Variants in ATXN7 observed in about 807,000 individuals in gnomAD.
ATXN7 encodes the protein ataxin-7.
Under a neutral mutation model 70.5 loss-of-function variants are expected in ATXN7, and 12 were observed. The observed-to-expected ratio is 0.17, with a 90% CI of 0.11 to 0.28. ATXN7 has a LOEUF of 0.28. ATXN7 is among the 10% of genes least tolerant of loss of function. The pLI is 1.00. For synonymous variants in ATXN7, 498 were observed against 448.7 expected (o/e 1.11, Z -1.39); for missense variants, 1,256 against 1,131.7 (o/e 1.11, Z -1.58).
At chr3:63,989,565 T>G (rs1487208082) in intron 9 of ATXN7, among the ~76,000 whole-genome samples, 1 of 152,198 alleles carries the variant, frequency 6.6e-6, no homozygotes, top group Admixed American at 6.5e-5. Flanking sequence ...TATAGGCTTT[T>G]TTTTTTTCTT....
At chr3:63,915,178 A>C (rs1226944265) in intron 4 of ATXN7, among the ~76,000 whole-genome samples, 1 of 152,078 alleles carries the variant, frequency 6.6e-6, no homozygotes, top group African/African-American at 2.4e-5. Flanking sequence ...CTCGTGACCC[A>C]CCTGCCTCGG....
intron 1 of ATXN7, among the ~76,000 whole-genome samples, chr3:63,871,489 G>T (rs1702589735): frequency 1.3e-5 from 2 of 152,160 alleles, no homozygotes; most frequent in Admixed American, 6.5e-5. Context: ...TAAAGAAACA[G>T]TTGGTGAAGT....
intron 1 of ATXN7, among the ~76,000 whole-genome samples, chr3:63,880,868 G>C (rs1398723907): frequency 6.6e-6 from 1 of 152,202 alleles, no homozygotes; most frequent in Non-Finnish European, 1.5e-5. Flanking sequence ...AACACCATGA[G>C]AACAGCGTTC....
chr3:63,872,208 G>A (rs1030662990), intron 1 of ATXN7, among the ~76,000 whole-genome samples: 6 of 152,170 alleles, frequency 3.9e-5, no homozygotes, highest in Admixed American at 3.9e-4. Context: ...ACTTTAGGAC[G>A]TGAATACACT....
chr3:63,931,582 C>T (rs1446793154), intron 4 of ATXN7, among the ~76,000 whole-genome samples: 1 of 152,116 alleles, frequency 6.6e-6, no homozygotes, highest in Non-Finnish European at 1.5e-5. Context: ...GTTCTCTTTT[C>T]CTTATGGCCT....
intron 11 of ATXN7, among the ~76,000 whole-genome samples, chr3:63,993,267 GTTGGTGTATTT>G (rs914695221): frequency 1.5e-5 from 2 of 137,038 alleles, no homozygotes; most frequent in African/African-American, 5.6e-5. Flanking sequence ...AAAGATTTTT[GTTGGTGTATTT>G]TTTTTTTTTT....
At chr3:63,990,493 G>C in intron 10 of ATXN7, 119 bp downstream of exon 10, 1 of 1,351,454 alleles carries the variant, frequency 7.4e-7, no homozygotes. Context: ...CAAGGTGTGA[G>C]AGAAGTTCAA....
chr3:63,978,518 T>C (rs1223424696), intron 5 of ATXN7, among the ~76,000 whole-genome samples: 1 of 152,196 alleles, frequency 6.6e-6, no homozygotes, highest in Non-Finnish European at 1.5e-5. Flanking sequence ...AAAACTAAAT[T>C]TAAAAACATC....
At chr3:63,888,501 G>A (rs993259737) in intron 1 of ATXN7, among the ~76,000 whole-genome samples, 5 of 152,078 alleles carry the variant, frequency 3.3e-5, no homozygotes, top group Admixed American at 6.6e-5. Context: ...GATCTTGGTC[G>A]GGCGCAGTGG....
chr3:63,996,435 C>T lies in ATXN7; in HGVS notation c.2613C>T (p.Gly871=). The T allele has an allele frequency of 6.2e-7, 1 of 1,614,158 alleles. No individual in the cohort carries two copies. The highest frequency in any genetic ancestry group is 8.5e-7 in the Non-Finnish European group (1 of 1,180,034). The change falls in exon 12 of 13, where the codon GGC becomes GGT. Residue 871 remains glycine (G), a synonymous_variant. Coordinates refer to ENST00000674280, the MANE Select transcript of ATXN7 (RefSeq NM_001377405.1). The part of the protein sequence containing the change: ...AVNNVHMKHT[G]TIPGAQGLMN... The stretch of plus-strand genomic sequence containing the variant: ...ACAATGTCCACATGAAACACACAGG[C>T]ACCATCCCAGGGGCACAAGGACTGA...
intron 5 of ATXN7, among the ~76,000 whole-genome samples, chr3:63,965,403 C>G (rs945435158): frequency 6.6e-6 from 1 of 152,146 alleles, no homozygotes; most frequent in African/African-American, 2.4e-5. Context: ...GAGTGTTCCT[C>G]CTAGCCTCCT....
intron 8 of ATXN7, among the ~76,000 whole-genome samples, chr3:63,986,990 C>T (rs935631910): frequency 1.3e-5 from 2 of 152,148 alleles, no homozygotes; most frequent in East Asian, 1.9e-4. Flanking sequence ...CTCATGTAAA[C>T]TCATCCACTC....
intron 4 of ATXN7, among the ~76,000 whole-genome samples, chr3:63,948,264 T>C (rs1417496953): frequency 6.6e-6 from 1 of 152,044 alleles, no homozygotes; most frequent in Non-Finnish European, 1.5e-5. Context: ...GAGTTGGAGG[T>C]GACACCTGGG....
rs368541058 is a variant in ATXN7 at position 63,999,433 on chromosome 3, C to A, written c.2662-17C>A. ...ACTTACCATTTCATTATTTCCCCAC[C>A]CCCTCTTTTTTGAAAGCCAAAGGCA... On this transcript the variant is annotated splice_polypyrimidine_tract_variant and intron_variant, in intron 12 of 12. Coordinates refer to ENST00000674280, the MANE Select transcript of ATXN7 (RefSeq NM_001377405.1). 8.1e-6 allele frequency: 13 copies of A among 1,598,346 alleles called. No individual in the cohort carries two copies. The African/African-American group carries it at 1.6e-4, about 20-fold the overall frequency.
chr3:63,948,368 T>C (rs2074898881), intron 4 of ATXN7, among the ~76,000 whole-genome samples: 1 of 151,950 alleles, frequency 6.6e-6, no homozygotes, highest in South Asian at 2.1e-4. Flanking sequence ...AAGAGTGAAG[T>C]TTTGGACATG....
intron 4 of ATXN7, among the ~76,000 whole-genome samples, chr3:63,945,820 A>G (rs1161831243): frequency 2.6e-5 from 4 of 152,186 alleles, no homozygotes; most frequent in Non-Finnish European, 4.4e-5. Flanking sequence ...TGAAGCTAAG[A>G]CCGAATGAAG....
At chr3:63,913,067 C>G (rs1704119857) in intron 3 of ATXN7, 90 bp from the exon 4 acceptor site, 1 of 1,496,866 alleles carries the variant, frequency 6.7e-7, no homozygotes, top group African/African-American at 1.4e-5. Flanking sequence ...GCGGAGGTGC[C>G]CACACCTACC....
chr3:63,990,785 T>C lies in ATXN7; in HGVS notation c.1608T>C (p.Phe536=), dbSNP rs1313424976. The change falls in exon 11 of 13, where the codon TTT becomes TTC. Residue 536 remains phenylalanine (F), a synonymous_variant. Coordinates refer to ENST00000674280, the MANE Select transcript of ATXN7 (RefSeq NM_001377405.1). ...AGATAGGAAGAGGCTATTACGTGTTTGACTCCAGGTGGAATCGACTTCGCT... is the reference window on the plus strand; with the variant it reads ...AGATAGGAAGAGGCTATTACGTGTTCGACTCCAGGTGGAATCGACTTCGCT... The part of the protein sequence containing the change: ...SRQIGRGYYV[F]DSRWNRLRCA... The C allele has an allele frequency of 9.3e-6, 15 of 1,614,084 alleles. No homozygotes were observed. The highest frequency in any genetic ancestry group is 1.3e-5 in the Non-Finnish European group (15 of 1,180,040).
intron 10 of ATXN7, 146 bp from the exon 11 acceptor site, chr3:63,990,592 C>A (rs2106787639): frequency 7.6e-7 from 1 of 1,324,208 alleles, no homozygotes; most frequent in Non-Finnish European, 1.1e-6. Context: ...CAGGGCTAGG[C>A]ATTGTCACTC....
Sources: gnomAD v4.1 joint callset for allele counts (sites outside exome capture counted in the v4.1 genomes callset) on GRCh38, gnomAD v4.1.1 for gene constraint, MANE v1.5 for transcripts, NCBI Gene and HGNC (gene_info 2026-07-23, HGNC 2026-07-21) for gene names.